MMD2: variants seen among roughly 807,000 people sequenced by gnomAD.
MMD2 encodes monocyte to macrophage differentiation factor 2.
Under a neutral mutation model 33.5 loss-of-function variants are expected in MMD2, and 30 were observed. That is an observed-to-expected ratio of 0.90 (90% CI 0.67 to 1.22). The LOEUF is 1.22. Among genes scored for constraint, MMD2 ranks in the 50% most tolerant of loss-of-function variants. The pLI, the probability that MMD2 is intolerant of heterozygous loss-of-function variation, is 0.00. For synonymous variants in MMD2, 129 were observed against 123.0 expected (o/e 1.05, Z -0.32); for missense variants, 364 against 325.4 (o/e 1.12, Z -0.91).
the MMD2 span, among the ~76,000 whole-genome samples, chr7:4,893,324 T>G: frequency 6.6e-6 from 1 of 152,030 alleles, no homozygotes; most frequent in Non-Finnish European, 1.5e-5. Context: ...AGGCAGAGCA[T>G]CACCAAGGGC....
intron 1 of MMD2, among the ~76,000 whole-genome samples, chr7:4,927,195 C>T (rs1412871132): frequency 6.6e-6 from 1 of 152,076 alleles, no homozygotes; most frequent in Non-Finnish European, 1.5e-5. Flanking sequence ...TTGGTGAACA[C>T]GCGCACTTAT....
At chr7:4,908,107 G>A (rs1401762847) in intron 6 of MMD2, among the ~76,000 whole-genome samples, 4 of 151,318 alleles carry the variant, frequency 2.6e-5, no homozygotes, top group African/African-American at 4.9e-5. Context: ...ACCACACTCG[G>A]CCTCAAATAA....
In MMD2 at chr7:4,926,898, T is replaced by C. The variant is rs543439583; in HGVS notation, c.48-1366A>G. 1.6e-4 allele frequency among the ~76,000 whole-genome samples: 24 copies of C among 152,102 alleles called. No individual in the cohort carries two copies. In the East Asian group the frequency reaches 2.9e-3, roughly 19 times the overall value. On this transcript the variant is annotated intron_variant, in intron 1 of 6. Transcript: ENST00000401401. ...TAGCTGGGACTACAGGCGCCCGCCATCATGCCCAGCTGATTTTTTATATTT... is the reference window on the plus strand; with the variant it reads ...TAGCTGGGACTACAGGCGCCCGCCACCATGCCCAGCTGATTTTTTATATTT...
At chr7:4,908,687 A>T (rs1301658994) in intron 6 of MMD2, among the ~76,000 whole-genome samples, 1 of 151,694 alleles carries the variant, frequency 6.6e-6, no homozygotes, top group Middle Eastern at 3.2e-3. Context: ...TCACGAGGTC[A>T]GGAGTTCGAG....
At chr7:4,950,099 GTGTGTGT>G (rs911064304) in intron 1 of MMD2, among the ~76,000 whole-genome samples, 3 of 151,728 alleles carry the variant, frequency 2.0e-5, no homozygotes, top group African/African-American at 7.3e-5. Context: ...GTGTGTGTGT[GTGTGTGT>G]TGTGTGTGTG....
chr7:4,939,668 A>C (rs1159522958), intron 1 of MMD2, among the ~76,000 whole-genome samples: 2 of 152,180 alleles, frequency 1.3e-5, no homozygotes, highest in African/African-American at 2.4e-5. Flanking sequence ...CAGAAGAAAT[A>C]AGGACACTCT....
chr7:4,937,998 C>CTTTTTT (rs1785791916), intron 1 of MMD2, among the ~76,000 whole-genome samples: 1 of 62,730 alleles, frequency 1.6e-5, no homozygotes. Context: ...TTTTTTCTTT[C>CTTTTTT]TTTCTTTTTT....
intron 6 of MMD2, among the ~76,000 whole-genome samples, chr7:4,908,625 C>A (rs1270794313): frequency 6.6e-6 from 1 of 151,884 alleles, no homozygotes; most frequent in Admixed American, 6.6e-5. Context: ...CAAGGCCGGG[C>A]ACGGTGGCTC....
intron 3 of MMD2, among the ~76,000 whole-genome samples, chr7:4,919,195 T>A (rs1785213707): frequency 6.6e-6 from 1 of 152,168 alleles, no homozygotes; most frequent in Non-Finnish European, 1.5e-5. Context: ...GTAGCATGCC[T>A]GGAACGAAGC....
At chr7:4,893,944 G>A in the MMD2 span, among the ~76,000 whole-genome samples, 15 of 152,154 alleles carry the variant, frequency 9.9e-5, no homozygotes, top group Admixed American at 3.9e-4. Context: ...GTTTTGGTAG[G>A]TTTTGGTGGG....
At chr7:4,958,448 G>C (rs1386765357) in intron 1 of MMD2, among the ~76,000 whole-genome samples, 3 of 152,082 alleles carry the variant, frequency 2.0e-5, no homozygotes, top group African/African-American at 7.2e-5. Context: ...AGGATGTACA[G>C]GTGCCTCCCC....
rs977130614 is a variant in MMD2 at position 4,906,818 on chromosome 7, T to C, written c.*578A>G. On this transcript the variant is annotated 3_prime_UTR_variant, in exon 7 of 7. Coordinates refer to ENST00000401401, the MANE Select transcript of MMD2 (RefSeq NM_198403.4). ...AAGAGGTCCCATCATGAGTGCCAAA[T>C]TGATTGGTACTGGCTGCCCAGAACA... 10 of 337,284 alleles carry C rather than the reference T, an allele frequency of 3.0e-5. No homozygotes were observed. Among genetic ancestry groups the C allele is most frequent in the African/African-American group, 2.1e-4 (10 of 47,488 alleles). The allele number at this position is 337,284 out of a possible 1,614,324, so 20.9% of individuals were successfully genotyped here. A position where few individuals can be genotyped will look rare whatever the true frequency, so the allele number is the denominator to read the frequency against.
At chr7:4,944,794 G>A (rs1786009811) in intron 1 of MMD2, among the ~76,000 whole-genome samples, 2 of 93,072 alleles carry the variant, frequency 2.1e-5, no homozygotes. Context: ...TTGAGACAGA[G>A]TCTTGCTTTG....
chr7:4,939,460 T>C (rs1047893994), intron 1 of MMD2, among the ~76,000 whole-genome samples: 3 of 151,734 alleles, frequency 2.0e-5, no homozygotes, highest in African/African-American at 4.8e-5. Context: ...GGAGAATAGC[T>C]TGAACCCAGG....
chr7:4,911,279 A>AG (rs1311111779), intron 4 of MMD2, 33 bp from the exon 5 acceptor site: 19 of 1,531,422 alleles, frequency 1.2e-5, no homozygotes, highest in Non-Finnish European at 1.7e-5. Context: ...CATGGCCCTG[A>AG]GGGGGGCCCA....
At chr7:4,893,067 C>T in the MMD2 span, among the ~76,000 whole-genome samples, 1,321 of 152,212 alleles carry the variant, frequency 8.7e-3, 18 homozygotes, top group African/African-American at 0.03. Flanking sequence ...CCATCCTATG[C>T]ACTCGTCTTG....
At chr7:4,914,960 A>G (rs1329303135) in intron 4 of MMD2, among the ~76,000 whole-genome samples, 2 of 152,154 alleles carry the variant, frequency 1.3e-5, no homozygotes, top group Non-Finnish European at 2.9e-5. Context: ...AACAAAAAAT[A>G]AAAACAAAAT....
intron 2 of MMD2, among the ~76,000 whole-genome samples, chr7:4,920,631 T>A (rs952136769): frequency 6.6e-6 from 1 of 150,462 alleles, no homozygotes; most frequent in Non-Finnish European, 1.5e-5. Flanking sequence ...TTTCCTTTTT[T>A]TCTTTTCTTT....
At chr7:4,942,840 C>T (rs1785948590) in intron 1 of MMD2, among the ~76,000 whole-genome samples, 1 of 151,466 alleles carries the variant, frequency 6.6e-6, no homozygotes, top group Non-Finnish European at 1.5e-5. Context: ...TGGTCTTGAA[C>T]TTCTGACCTC....
Sources: allele counts gnomAD v4.1 joint callset (sites outside exome capture counted in the v4.1 genomes callset), GRCh38; gene constraint gnomAD v4.1.1; transcripts MANE v1.5; gene names NCBI Gene and HGNC (gene_info 2026-07-23, HGNC 2026-07-21).